The following IFT43 variants were observed in gnomAD, a reference collection of about 807,000 sequenced individuals.
IFT43 encodes the protein intraflagellar transport protein 43 homolog.
A neutral mutation model predicts 32.3 loss-of-function variants in IFT43; 33 were observed. The observed-to-expected ratio is 1.02, with a 90% CI of 0.77 to 1.37. The LOEUF (loss-of-function observed/expected upper bound fraction) is 1.37. Ranked by LOEUF, IFT43 falls within the 40% of genes most tolerant of loss-of-function variation. The pLI, the probability that IFT43 is intolerant of heterozygous loss-of-function variation, is 0.00. For synonymous variants in IFT43, 93 were observed against 98.2 expected (o/e 0.95, Z 0.31); for missense variants, 274 against 265.9 (o/e 1.03, Z -0.21).
intron 2 of IFT43, among the ~76,000 whole-genome samples, chr14:75,996,613 A>G (rs1285769170): frequency 6.6e-6 from 1 of 152,248 alleles, no homozygotes; most frequent in Non-Finnish European, 1.5e-5. Flanking sequence ...GTGCCACTTG[A>G]GACCCATTTT....
chr14:76,026,956 C>T (rs2036408863), intron 3 of IFT43, among the ~76,000 whole-genome samples: 1 of 152,146 alleles, frequency 6.6e-6, no homozygotes, highest in African/African-American at 2.4e-5. Flanking sequence ...CTGCAGGCCA[C>T]TATCCTTAGC....
chr14:75,995,462 C>T (rs190987503), intron 2 of IFT43, among the ~76,000 whole-genome samples: 6 of 152,232 alleles, frequency 3.9e-5, no homozygotes, highest in South Asian at 2.1e-4. Context: ...CCTCCGAGGA[C>T]GCAGAACTGA....
intron 3 of IFT43, among the ~76,000 whole-genome samples, chr14:76,043,999 T>G (rs1286006885): frequency 6.6e-6 from 1 of 152,170 alleles, no homozygotes; most frequent in Non-Finnish European, 1.5e-5. Flanking sequence ...AAACAAACAC[T>G]TTACTTACTA....
chr14:76,037,818 G>A (rs1245438501), intron 3 of IFT43, among the ~76,000 whole-genome samples: 1 of 151,838 alleles, frequency 6.6e-6, no homozygotes, highest in Non-Finnish European at 1.5e-5. Context: ...TTTGCATCTG[G>A]GTCTGTAGGG....
At chr14:76,077,053 C>T (rs914337606) in intron 5 of IFT43, among the ~76,000 whole-genome samples, 19 of 151,866 alleles carry the variant, frequency 1.3e-4, no homozygotes, top group Non-Finnish European at 2.8e-4. Context: ...TGTTGCTGTG[C>T]GTTAATAAGC....
intron 5 of IFT43, among the ~76,000 whole-genome samples, chr14:76,065,090 C>T (rs17183901): frequency 6.6e-6 from 1 of 152,014 alleles, no homozygotes; most frequent in African/African-American, 2.4e-5. Context: ...CACCTTTAAG[C>T]TTCTCTAGGA....
Position 76,072,450 on chromosome 14 carries a change from A to G in IFT43, c.296-9845A>G, listed in dbSNP as rs1308998164. 2.0e-5 allele frequency among the ~76,000 whole-genome samples: 3 copies of G among 152,196 alleles called. No individual in the cohort carries two copies. The East Asian group carries it at 5.8e-4, about 29-fold the overall frequency. ...CTGGGTCACACCAGACTTTCCAAAC[A>G]TACCATCACGAACATCCCTGCTCAA... is the stretch of plus-strand genomic sequence containing the variant. On this transcript the variant is annotated intron_variant, in intron 5 of 8. Coordinates refer to ENST00000314067, the MANE Select transcript of IFT43 (RefSeq NM_001102564.3).
intron 3 of IFT43, among the ~76,000 whole-genome samples, chr14:76,047,135 G>A (rs1377137339): frequency 6.6e-6 from 1 of 152,164 alleles, no homozygotes; most frequent in African/African-American, 2.4e-5. Context: ...TGTTGCATTG[G>A]GGATTAAGTT....
intron 2 of IFT43, among the ~76,000 whole-genome samples, chr14:76,002,707 G>T (rs2035912105): frequency 6.6e-6 from 1 of 152,088 alleles, no homozygotes; most frequent in Non-Finnish European, 1.5e-5. Context: ...GGAGAGAGGT[G>T]GTATAGCTGA....
chr14:75,991,404 T>TGTGTGTGG (rs2035640348), intron 2 of IFT43, among the ~76,000 whole-genome samples: 1 of 149,430 alleles, frequency 6.7e-6, no homozygotes, highest in Non-Finnish European at 1.5e-5. Context: ...TGTGTGTGTG[T>TGTGTGTGG]GTGTGTGTGT....
At chr14:76,056,238 CAGAG>C (rs1020509694) in intron 3 of IFT43, among the ~76,000 whole-genome samples, 12 of 152,128 alleles carry the variant, frequency 7.9e-5, no homozygotes, top group Admixed American at 3.9e-4. Context: ...TTATTTCTGG[CAGAG>C]AGAGAGAATG....
At chr14:75,990,499 T>C (rs1398179677) in intron 2 of IFT43, among the ~76,000 whole-genome samples, 1 of 152,242 alleles carries the variant, frequency 6.6e-6, no homozygotes, top group African/African-American at 2.4e-5. Context: ...CGTACCCTAT[T>C]ATCTGTCACA....
At chr14:75,997,373 A>G (rs1013260625) in intron 2 of IFT43, among the ~76,000 whole-genome samples, 3 of 152,264 alleles carry the variant, frequency 2.0e-5, no homozygotes, top group African/African-American at 4.8e-5. Flanking sequence ...CTAATATGAC[A>G]CTGAAATAAT....
intron 2 of IFT43, among the ~76,000 whole-genome samples, chr14:76,020,901 G>T (rs1284694427): frequency 6.6e-6 from 1 of 152,138 alleles, no homozygotes; most frequent in East Asian, 1.9e-4. Context: ...CCAGTCCCCA[G>T]GTAGTGCATG....
intron 5 of IFT43, among the ~76,000 whole-genome samples, chr14:76,071,068 GTC>G (rs2037312546): frequency 6.6e-6 from 1 of 152,018 alleles, no homozygotes; most frequent in Non-Finnish European, 1.5e-5. Context: ...AGACATTAAG[GTC>G]TCTCTCAGTC....
rs190238022 is a variant in IFT43, at chr14:76,056,280, C to T, written c.216-2362C>T. On this transcript the variant is annotated intron_variant, in intron 3 of 8. Coordinates refer to ENST00000314067, the MANE Select transcript of IFT43 (RefSeq NM_001102564.3). ...AGAGAACACGCCACCTGAGGGCATCCCTGCTGCCCGTCCTTGAGGACTCCA... is the reference window on the plus strand; with the variant it reads ...AGAGAACACGCCACCTGAGGGCATCTCTGCTGCCCGTCCTTGAGGACTCCA... Among the ~76,000 whole-genome samples, 118 of 152,298 alleles carry T rather than the reference C, an allele frequency of 7.7e-4. 1 individual carries two copies. The highest frequency in any genetic ancestry group is 2.6e-3 in the African/African-American group (107 of 41,558).
At chr14:76,023,632 C>A (rs2036336629) in intron 3 of IFT43, among the ~76,000 whole-genome samples, 1 of 152,208 alleles carries the variant, frequency 6.6e-6, no homozygotes, top group Non-Finnish European at 1.5e-5. Flanking sequence ...ATTCTGTCCT[C>A]ATAGATAGGC....
chr14:76,059,336 C>CA lies in IFT43; in HGVS notation c.259dup (p.Arg87LysfsTer48). On this transcript the variant is annotated frameshift_variant, in exon 5 of 9. Transcript: ENST00000314067. LOFTEE classifies it high-confidence loss of function. ...TCTTTTTTGGGGGCAGTTTCCGCCT[C>CA]AGACCACAGAGCCTGAATGGATCAG... The CA allele has an allele frequency of 6.2e-7, 1 of 1,614,076 alleles. No individual in the cohort carries two copies. Among genetic ancestry groups the CA allele is most frequent in the Non-Finnish European group, 8.5e-7 (1 of 1,179,954 alleles).
chr14:76,058,806 C>T (rs1160670412), intron 4 of IFT43, 132 bp downstream of exon 4: 4 of 1,576,112 alleles, frequency 2.5e-6, no homozygotes, highest in Non-Finnish European at 3.4e-6. Flanking sequence ...ATTATTGATG[C>T]CTGCTGAATC....
Sources: gnomAD v4.1 joint callset for allele counts (sites outside exome capture counted in the v4.1 genomes callset) on GRCh38, gnomAD v4.1.1 for gene constraint, MANE v1.5 for transcripts, NCBI Gene and HGNC (gene_info 2026-07-23, HGNC 2026-07-21) for gene names.